LHPP: variants seen among roughly 807,000 people sequenced by gnomAD.
LHPP encodes phospholysine phosphohistidine inorganic pyrophosphate phosphatase.
Under a neutral mutation model 30.3 loss-of-function variants are expected in LHPP, and 24 were observed. That is an observed-to-expected ratio of 0.79 (90% confidence interval 0.57 to 1.11). The LOEUF (loss-of-function observed/expected upper bound fraction) is 1.11, where lower values mean the gene tolerates loss of function less well. LHPP is among the 50% of genes most tolerant of loss of function. LHPP has a pLI of 0.00. For synonymous variants in LHPP, 150 were observed against 157.1 expected (o/e 0.95, Z 0.34); for missense variants, 356 against 367.2 (o/e 0.97, Z 0.25).
chr10:124,537,156 C>T (rs916127894), intron 6 of LHPP, among the ~76,000 whole-genome samples: 7 of 152,232 alleles, frequency 4.6e-5, no homozygotes, highest in Non-Finnish European at 8.8e-5. Context: ...TCACAGCAAC[C>T]TGGTGCACCC....
chr10:124,461,877 C>T lies in LHPP; in HGVS notation c.15C>T (p.Gly5=). 8.0e-7 allele frequency: 1 copy of T among 1,257,418 alleles called. No homozygotes were observed. The highest frequency in any genetic ancestry group is 1.0e-6 in the Non-Finnish European group (1 of 997,836). 77.9% of individuals were successfully genotyped at this position (1,257,418 alleles called of 1,614,324 possible). Residue 5 remains glycine (G), a synonymous_variant, in exon 1 of 7, where the codon GGC becomes GGT. Coordinates refer to ENST00000368842, the MANE Select transcript of LHPP (RefSeq NM_022126.4). ...GGCCGGGCGCCATGGCACCGTGGGGCAAGCGGCTGGCTGGCGTGCGCGGGG... is the reference window on the plus strand; with the variant it reads ...GGCCGGGCGCCATGGCACCGTGGGGTAAGCGGCTGGCTGGCGTGCGCGGGG... MAPW[G]KRLAGVRGVL...
chr10:124,551,559 G>C (rs1009747963), intron 6 of LHPP, among the ~76,000 whole-genome samples: 4 of 152,196 alleles, frequency 2.6e-5, no homozygotes, highest in African/African-American at 9.6e-5. Flanking sequence ...TAAGGGTCAG[G>C]TGGTGGGAGG....
At chr10:124,492,830 A>G in intron 3 of LHPP, among the ~76,000 whole-genome samples, 1 of 152,108 alleles carries the variant, frequency 6.6e-6, no homozygotes, top group East Asian at 1.9e-4. Flanking sequence ...CCAACACCTC[A>G]CTAGAGAACA....
intron 6 of LHPP, among the ~76,000 whole-genome samples, chr10:124,603,169 G>T (rs114787281): frequency 9.2e-5 from 14 of 152,220 alleles, no homozygotes; most frequent in Non-Finnish European, 1.6e-4. Flanking sequence ...CCTGCAGTGC[G>T]CTCATGCCCA....
intron 1 of LHPP, among the ~76,000 whole-genome samples, chr10:124,474,329 A>G (rs1952878115): frequency 6.6e-6 from 1 of 151,704 alleles, no homozygotes; most frequent in Admixed American, 6.6e-5. Flanking sequence ...TAGTACAGAC[A>G]AGGTTTTGCC....
chr10:124,471,287 G>A (rs1260602073), intron 1 of LHPP, among the ~76,000 whole-genome samples: 1 of 149,898 alleles, frequency 6.7e-6, no homozygotes, highest in Non-Finnish European at 1.5e-5. Context: ...GGTCACTGGA[G>A]GCTGGAGACC....
Position 124,613,804 on chromosome 10 carries a change from C to T in LHPP, c.*444C>T. 5.0e-6 allele frequency: 1 copy of T among 198,378 alleles called. No individual in the cohort carries two copies. Among genetic ancestry groups the T allele is most frequent in the South Asian group, 1.0e-4 (1 of 9,774 alleles). The allele number at this position is 198,378 out of a possible 1,614,324, so 12.3% of individuals were successfully genotyped here. ...AGACTCTTTGCATTTCAGTGAAGAG[C>T]CTGGAAGAAACCCAGGGGCCTCCTA... On this transcript the variant is annotated 3_prime_UTR_variant, in exon 7 of 7. Transcript: ENST00000368842.
chr10:124,509,716 G>A (rs1246011881), intron 5 of LHPP, among the ~76,000 whole-genome samples: 1 of 151,952 alleles, frequency 6.6e-6, no homozygotes, highest in Non-Finnish European at 1.5e-5. Context: ...GCTCATCCTA[G>A]AGTGAGCTGT....
intron 6 of LHPP, among the ~76,000 whole-genome samples, chr10:124,560,107 G>A (rs1391979927): frequency 1.3e-5 from 2 of 152,246 alleles, no homozygotes; most frequent in African/African-American, 4.8e-5. Flanking sequence ...CTCAGGTCCA[G>A]GTGAGACACT....
At chr10:124,606,098 G>A (rs4962391) in intron 6 of LHPP, among the ~76,000 whole-genome samples, 111,852 of 152,054 alleles carry the variant, frequency 0.74, 41,321 homozygotes, top group Non-Finnish European at 0.74. Flanking sequence ...AGCCAGAGAC[G>A]CCCAAATGCA....
At chr10:124,481,755 G>C (rs967255779) in intron 1 of LHPP, among the ~76,000 whole-genome samples, 1 of 152,030 alleles carries the variant, frequency 6.6e-6, no homozygotes, top group African/African-American at 2.4e-5. Flanking sequence ...CACGCTGCTC[G>C]AGTTCTTTCT....
chr10:124,509,624 C>T (rs980553284), intron 5 of LHPP, among the ~76,000 whole-genome samples: 2 of 150,838 alleles, frequency 1.3e-5, no homozygotes, highest in South Asian at 2.1e-4. Context: ...TGAAGGTGTC[C>T]GACCACAGTG....
At chr10:124,533,859 CAG>C (rs746132065) in intron 6 of LHPP, among the ~76,000 whole-genome samples, 12 of 151,668 alleles carry the variant, frequency 7.9e-5, no homozygotes, top group African/African-American at 1.2e-4. Flanking sequence ...TGGAGTGACT[CAG>C]GGGTGCGCGA....
intron 6 of LHPP, among the ~76,000 whole-genome samples, chr10:124,589,495 G>A (rs1484178453): frequency 1.3e-5 from 2 of 152,244 alleles, no homozygotes; most frequent in African/African-American, 4.8e-5. Flanking sequence ...ACCCACGGCA[G>A]GATTCCACCC....
intron 6 of LHPP, among the ~76,000 whole-genome samples, chr10:124,558,704 T>A (rs558142480): frequency 6.6e-6 from 1 of 152,334 alleles, no homozygotes; most frequent in Non-Finnish European, 1.5e-5. Flanking sequence ...TCACTTTTAT[T>A]TTGGTAGAGC....
intron 6 of LHPP, among the ~76,000 whole-genome samples, chr10:124,534,310 A>G (rs1035294342): frequency 3.3e-5 from 5 of 152,196 alleles, no homozygotes; most frequent in African/African-American, 1.2e-4. Flanking sequence ...GTCTTTCTCT[A>G]CCGCAGCAGG....
chr10:124,611,879 G>C (rs1217657157), intron 6 of LHPP, among the ~76,000 whole-genome samples: 1 of 152,238 alleles, frequency 6.6e-6, no homozygotes, highest in African/African-American at 2.4e-5. Context: ...CTGCTGCCGG[G>C]AGACTGTGGT....
chr10:124,470,353 G>A (rs1564766384), intron 1 of LHPP, among the ~76,000 whole-genome samples: 2 of 151,668 alleles, frequency 1.3e-5, no homozygotes, highest in Non-Finnish European at 3.0e-5. Context: ...GCCCAGGGCA[G>A]CCTCATAAAG....
chr10:124,606,796 G>C (rs1363251986), intron 6 of LHPP, among the ~76,000 whole-genome samples: 1 of 152,220 alleles, frequency 6.6e-6, no homozygotes, highest in Non-Finnish European at 1.5e-5. Context: ...AGCCAGGGAA[G>C]GGCGGAGGGG....
Sources: gnomAD v4.1 joint callset for allele counts (sites outside exome capture counted in the v4.1 genomes callset) on GRCh38, gnomAD v4.1.1 for gene constraint, MANE v1.5 for transcripts, NCBI Gene and HGNC (gene_info 2026-07-23, HGNC 2026-07-21) for gene names.